PDXP: variants seen among roughly 807,000 people sequenced by gnomAD.
The protein encoded by PDXP is pyridoxal phosphatase.
PDXP carries 15 observed loss-of-function variants against 14.4 expected under a neutral mutation model. The observed-to-expected ratio is 1.04, with a 90% CI of 0.70 to 1.60. PDXP has a LOEUF of 1.60. Ranked by LOEUF, PDXP falls within the 40% of genes most tolerant of loss-of-function variation. PDXP has a pLI of 0.00. For synonymous variants in PDXP, 233 were observed against 205.6 expected, an observed-to-expected ratio of 1.13 and a Z score of -1.14; for missense variants, 413 against 427.6, an observed-to-expected ratio of 0.97 and a Z score of 0.30.
In PDXP at chr22:37,665,545, C is replaced by T; in HGVS notation, c.575-10C>T. 6.3e-7 allele frequency: 1 copy of T among 1,590,816 alleles called. No individual in the cohort carries two copies. Among genetic ancestry groups the T allele is most frequent in the Non-Finnish European group, 8.5e-7 (1 of 1,169,870 alleles). On this transcript the variant is annotated splice_polypyrimidine_tract_variant and intron_variant, in intron 1 of 1. Coordinates refer to ENST00000215904, the MANE Select transcript of PDXP (RefSeq NM_020315.5). ...GCCCTCCTGCTGACTGCGTCTCCAT[C>T]TCCCTACAGGCACCGGGAGCCTGGC...
At chr22:37,659,739 G>GAGTT (rs1933164751) in intron 1 of PDXP, among the ~76,000 whole-genome samples, 1 of 152,150 alleles carries the variant, frequency 6.6e-6, no homozygotes, top group African/African-American at 2.4e-5. Context: ...AAAGGCGGTG[G>GAGTT]AGTTTGACCT....
Position 37,665,536 on chromosome 22 carries a change from C to CG in PDXP, c.575-18dup. On this transcript the variant is annotated intron_variant, in intron 1 of 1. Transcript: ENST00000215904. ...GTCCCTGCCGCCCTCCTGCTGACTGCGTCTCCATCTCCCTACAGGCACCGG... is the reference window on the plus strand; with the variant it reads ...GTCCCTGCCGCCCTCCTGCTGACTGCGGTCTCCATCTCCCTACAGGCACCGG... 6.3e-7 allele frequency: 1 copy of CG among 1,577,610 alleles called. No homozygotes were observed.
At chr22:37,665,476 A>T (rs771329592) in intron 1 of PDXP, 79 bp from the exon 2 acceptor site, 1 of 1,183,056 alleles carries the variant, frequency 8.5e-7, no homozygotes. Context: ...GGCACAATCC[A>T]CCTCCCTGGA....
At chr22:37,660,717 C>T (rs1470701661) in intron 1 of PDXP, among the ~76,000 whole-genome samples, 3 of 152,172 alleles carry the variant, frequency 2.0e-5, no homozygotes, top group South Asian at 2.1e-4. Context: ...GATATTAAAT[C>T]CTGGGGGTAC....
intron 1 of PDXP, among the ~76,000 whole-genome samples, chr22:37,661,880 C>T (rs940105238): frequency 3.4e-5 from 5 of 148,234 alleles, no homozygotes; most frequent in Admixed American, 2.0e-4. Flanking sequence ...CGCTCACCAA[C>T]GGAGCACGTG....
rs535460532 is a variant in PDXP at position 37,660,004 on chromosome 22, A to G, written c.574+648A>G. Among the ~76,000 whole-genome samples the G allele has an allele frequency of 8.5e-5, 13 of 152,194 alleles. No homozygotes were observed. In the South Asian group the frequency reaches 2.7e-3, roughly 32 times the overall value. Reference sequence around the variant, plus strand: ...CCAAATTACTCTGGAGATGGAAGTTATTGTCCCATTTCTCAAGTAAAGAGA... The same window carrying G: ...CCAAATTACTCTGGAGATGGAAGTTGTTGTCCCATTTCTCAAGTAAAGAGA... On this transcript the variant is annotated intron_variant, in intron 1 of 1. Transcript: ENST00000215904.
chr22:37,666,030 A>G lies in PDXP; in HGVS notation c.*159A>G, dbSNP rs1213092048. 3 of 706,648 alleles carry G rather than the reference A, an allele frequency of 4.2e-6. No homozygotes were observed. Among genetic ancestry groups the G allele is most frequent in the Non-Finnish European group, 7.2e-6 (3 of 419,426 alleles). The allele number at this position is 706,648 out of a possible 1,614,324, so 43.8% of individuals were successfully genotyped here. A position where few individuals can be genotyped will look rare whatever the true frequency, so the allele number is the denominator to read the frequency against. On this transcript the variant is annotated 3_prime_UTR_variant, in exon 2 of 2. Coordinates refer to ENST00000215904, the MANE Select transcript of PDXP (RefSeq NM_020315.5). ...CGGGGAAGGTTTGAGGGCCCTTGCA[A>G]CCCCCTCCCAGCAGTGGCTGGGCAC...
In PDXP at chr22:37,658,803, G is replaced by T. The variant is rs753531968; in HGVS notation, c.21G>T (p.Leu7=). Residue 7 remains leucine (L), a synonymous_variant, in exon 1 of 2, where the codon CTG becomes CTT. Transcript: ENST00000215904. ...GCTGCATGGCGCGCTGCGAGAGGCT[G>T]CGCGGAGCGGCCCTGCGCGACGTGC... MARCER[L]RGAALRDVLG... 5 of 1,178,894 alleles carry T rather than the reference G, an allele frequency of 4.2e-6. No homozygotes were observed. The highest frequency in any genetic ancestry group is 3.7e-5 in the East Asian group (1 of 26,834). The allele number at this position is 1,178,894 out of a possible 1,614,324, so 73.0% of individuals were successfully genotyped here.
At position 37,659,203 on chromosome 22, in the gene PDXP, CCGCGCGTGCG is replaced by C; in HGVS notation, c.425_434del (p.Arg142ProfsTer15). 8.0e-7 allele frequency: 1 copy of C among 1,251,622 alleles called. No individual in the cohort carries two copies. The allele number at this position is 1,251,622 out of a possible 1,614,324, so 77.5% of individuals were successfully genotyped here. A position where few individuals can be genotyped will look rare whatever the true frequency, so the allele number is the denominator to read the frequency against. On this transcript the variant is annotated frameshift_variant, in exon 1 of 2. Transcript: ENST00000215904. LOFTEE classifies it high-confidence loss of function. ...CCCGAGCGCGGGGGACGGCGCGGCC[CCGCGCGTGCG>C]CGCCGTGCTTGTGGGCTACGACGAG...
rs1349172859 is a variant in PDXP, at chr22:37,666,692, C to T, written c.*821C>T. The T allele has an allele frequency of 6.0e-6, 1 of 167,128 alleles. No individual in the cohort carries two copies. Among genetic ancestry groups the T allele is most frequent in the African/African-American group, 2.4e-5 (1 of 41,440 alleles). The allele number at this position is 167,128 out of a possible 1,614,324, so 10.4% of individuals were successfully genotyped here. ...TGCTCTGGGGCTTCTGTGGCCAAGC[C>T]CCACCCTTTCCTGGTCATGGTACCC... On this transcript the variant is annotated 3_prime_UTR_variant, in exon 2 of 2. Transcript: ENST00000215904.
rs900513967 is a variant in PDXP, at chr22:37,666,082, C to A, written c.*211C>A. On this transcript the variant is annotated 3_prime_UTR_variant, in exon 2 of 2. Coordinates refer to ENST00000215904, the MANE Select transcript of PDXP (RefSeq NM_020315.5). Reference sequence around the variant, plus strand: ...CTTTGCTGCCCCAGAAGCTGGTCCCCTATGGATTCATCTTGGCCTGACCCA... The same window carrying A: ...CTTTGCTGCCCCAGAAGCTGGTCCCATATGGATTCATCTTGGCCTGACCCA... The A allele has an allele frequency of 2.1e-5, 13 of 614,964 alleles. No individual in the cohort carries two copies. Among genetic ancestry groups the A allele is most frequent in the Non-Finnish European group, 3.5e-5 (12 of 339,152 alleles). 38.1% of individuals were successfully genotyped at this position (614,964 alleles called of 1,614,324 possible).
intron 1 of PDXP, among the ~76,000 whole-genome samples, chr22:37,661,525 C>T (rs976911864): frequency 6.6e-6 from 1 of 152,140 alleles, no homozygotes; most frequent in Non-Finnish European, 1.5e-5. Context: ...AATAGAAAGG[C>T]CTGCTGTCTT....
rs1933127407 is a variant in PDXP, at chr22:37,658,748, A to C, written c.-35A>C. The C allele has an allele frequency of 4.5e-6, 5 of 1,109,798 alleles. No homozygotes were observed. The South Asian group carries it at 1.8e-4, about 39-fold the overall frequency. The allele number at this position is 1,109,798 out of a possible 1,614,324, so 68.7% of individuals were successfully genotyped here. A position where few individuals can be genotyped will look rare whatever the true frequency, so the allele number is the denominator to read the frequency against. ...GAGAGCGCGCCGTGCCCGCGGAGAG[A>C]GCGCGGCGCGGGAGGCCGGCGGCCG... On this transcript the variant is annotated 5_prime_UTR_variant, in exon 1 of 2. Transcript: ENST00000215904.
At chr22:37,659,907 A>G (rs1462793217) in intron 1 of PDXP, among the ~76,000 whole-genome samples, 1 of 152,212 alleles carries the variant, frequency 6.6e-6, no homozygotes, top group Non-Finnish European at 1.5e-5. Flanking sequence ...CAGATGATGT[A>G]AGTTGTAGCC....
At position 37,659,019 on chromosome 22, in the gene PDXP, G is replaced by A. The variant is rs1425049425; in HGVS notation, c.237G>A (p.Gly79=). The change falls in exon 1 of 2, where the codon GGG becomes GGA. Residue 79 remains glycine, a synonymous_variant. Coordinates refer to ENST00000215904, the MANE Select transcript of PDXP (RefSeq NM_020315.5). ...GCTTCGCGCGCCTCGGCTTCGGGGGGCTGCGCGCCGAGCAGCTCTTCAGCT... is the reference window on the plus strand; with the variant it reads ...GCTTCGCGCGCCTCGGCTTCGGGGGACTGCGCGCCGAGCAGCTCTTCAGCT... The part of the protein sequence containing the change: ...ALRFARLGFG[G]LRAEQLFSSA... 7 of 1,183,228 alleles carry A rather than the reference G, an allele frequency of 5.9e-6. No individual in the cohort carries two copies. Among genetic ancestry groups the A allele is most frequent in the Non-Finnish European group, 7.3e-6 (7 of 953,990 alleles). 73.3% of individuals were successfully genotyped at this position (1,183,228 alleles called of 1,614,324 possible).
chr22:37,664,952 C>T (rs1921017496), intron 1 of PDXP: 1 of 153,884 alleles, frequency 6.5e-6, no homozygotes, highest in Non-Finnish European at 1.4e-5. Context: ...GAGGTGCGAA[C>T]ATTTCTGTGC....
In PDXP at chr22:37,661,904, C is replaced by G. The variant is rs565797430; in HGVS notation, c.574+2548C>G. ...ACGGAGCACGTGGCTTTTATTCTCT[C>G]TCTTTTTCTTTAATTTTTTTTTTTT... On this transcript the variant is annotated intron_variant, in intron 1 of 1. Transcript: ENST00000215904. Among the ~76,000 whole-genome samples the G allele has an allele frequency of 7.8e-4, 102 of 131,242 alleles. 1 individual carries two copies. Among genetic ancestry groups the G allele is most frequent in the Middle Eastern group, 8.2e-3 (2 of 244 alleles). 86.1% of individuals were successfully genotyped at this position (131,242 alleles called of 152,430 possible).
chr22:37,659,189 G>C lies in PDXP; in HGVS notation c.407G>C (p.Gly136Ala). The C allele has an allele frequency of 1.7e-6, 2 of 1,211,366 alleles. No homozygotes were observed. The highest frequency in any genetic ancestry group is 2.1e-6 in the Non-Finnish European group (2 of 974,204). The allele number at this position is 1,211,366 out of a possible 1,614,324, so 75.0% of individuals were successfully genotyped here. Residue 136 changes from glycine (G) to alanine (A), a missense_variant, in exon 1 of 2, where the codon GGG (glycine) becomes GCG (alanine). Physicochemically the swap from Gly to Ala is moderately conservative, Grantham distance 60. Coordinates refer to ENST00000215904, the MANE Select transcript of PDXP (RefSeq NM_020315.5). ...CGCCTGGCCGGGGACCCGAGCGCGG[G>C]GGACGGCGCGGCCCCGCGCGTGCGC... Reference protein sequence around the residue: ...GLRLAGDPSAGDGAAPRVRAV... With the variant: ...GLRLAGDPSAADGAAPRVRAV...
intron 1 of PDXP, among the ~76,000 whole-genome samples, chr22:37,659,585 C>T (rs1203746908): frequency 6.6e-6 from 1 of 152,172 alleles, no homozygotes; most frequent in East Asian, 1.9e-4. Context: ...AACTGAGGCC[C>T]TTTGTAACTT....
Sources: allele counts gnomAD v4.1 joint callset (sites outside exome capture counted in the v4.1 genomes callset), GRCh38; gene constraint gnomAD v4.1.1; transcripts MANE v1.5; gene names NCBI Gene and HGNC (gene_info 2026-07-23, HGNC 2026-07-21).